The following STK33 variants were observed in gnomAD, a reference collection of about 807,000 sequenced individuals.
STK33 encodes serine/threonine-protein kinase 33.
Under a neutral mutation model 58.0 loss-of-function variants are expected in STK33, and 52 were observed. That is an observed-to-expected ratio of 0.90 (90% CI 0.72 to 1.13). The LOEUF (loss-of-function observed/expected upper bound fraction) is 1.13, where lower values mean the gene tolerates loss of function less well. STK33 is among the 50% of genes most tolerant of loss of function. The pLI is 0.00. For missense variants in STK33, 630 were observed against 604.2 expected (o/e 1.04, Z -0.45); for synonymous variants, 215 against 200.1 (o/e 1.07, Z -0.63).
chr11:8,363,956 C>T, the STK33 span, among the ~76,000 whole-genome samples: 1 of 152,218 alleles, frequency 6.6e-6, no homozygotes, highest in Non-Finnish European at 1.5e-5. Flanking sequence ...ACTTACAATA[C>T]AGGCAAGCAT....
chr11:8,418,680 T>C (rs186774161), intron 14 of STK33, among the ~76,000 whole-genome samples: 7 of 152,306 alleles, frequency 4.6e-5, no homozygotes, highest in South Asian at 2.1e-4. Context: ...CCCACAATGG[T>C]TGAACTATTA....
At chr11:8,388,522 G>C (rs1848575277), downstream of STK33, among the ~76,000 whole-genome samples, 2 of 152,238 alleles carry the variant, frequency 1.3e-5, no homozygotes, top group Admixed American at 1.3e-4. Flanking sequence ...GAGTACAACT[G>C]AACGATGTGA....
the STK33 span, among the ~76,000 whole-genome samples, chr11:8,380,846 A>G: frequency 6.6e-6 from 1 of 152,198 alleles, no homozygotes; most frequent in Admixed American, 6.5e-5. Context: ...AGTGCCCATC[A>G]ACCAATGAGT....
At chr11:8,418,068 T>C (rs1803240350) in intron 14 of STK33, among the ~76,000 whole-genome samples, 1 of 152,046 alleles carries the variant, frequency 6.6e-6, no homozygotes, top group African/African-American at 2.4e-5. Context: ...TAGTTTGGGA[T>C]ATAATGCTGG....
At chr11:8,584,423 G>A (rs991324320) in intron 1 of STK33, among the ~76,000 whole-genome samples, 1 of 152,170 alleles carries the variant, frequency 6.6e-6, no homozygotes, top group South Asian at 2.1e-4. Flanking sequence ...GATACATTAA[G>A]GATGGCTGCT....
downstream of STK33, among the ~76,000 whole-genome samples, chr11:8,388,963 A>C (rs1848581463): frequency 6.6e-6 from 1 of 152,030 alleles, no homozygotes; most frequent in East Asian, 1.9e-4. Flanking sequence ...TTTGCCCTTT[A>C]CTGTACTTTG....
intron 15 of STK33, among the ~76,000 whole-genome samples, chr11:8,407,589 A>G (rs1424469558): frequency 6.6e-6 from 1 of 152,156 alleles, no homozygotes; most frequent in Non-Finnish European, 1.5e-5. Flanking sequence ...TGACCATTTC[A>G]TATAAATTTC....
intron 14 of STK33, among the ~76,000 whole-genome samples, chr11:8,425,913 G>A (rs1030877321): frequency 1.3e-5 from 2 of 152,228 alleles, no homozygotes; most frequent in South Asian, 4.1e-4. Context: ...CACATGTGGG[G>A]TTCCAACACC....
intron 15 of STK33, among the ~76,000 whole-genome samples, chr11:8,393,018 G>A (rs1283978508): frequency 1.3e-5 from 2 of 152,156 alleles, no homozygotes; most frequent in African/African-American, 2.4e-5. Context: ...AGACATAATT[G>A]TACTCACTTC....
the STK33 span, among the ~76,000 whole-genome samples, chr11:8,341,325 G>A: frequency 3.5e-4 from 54 of 152,300 alleles, no homozygotes; most frequent in Admixed American, 2.9e-3. Flanking sequence ...GGCTGCCTCC[G>A]TTGGGTTCTA....
chr11:8,336,916 T>C, the STK33 span, among the ~76,000 whole-genome samples: 1 of 152,210 alleles, frequency 6.6e-6, no homozygotes, highest in Non-Finnish European at 1.5e-5. Flanking sequence ...GTAATGAGGA[T>C]CTCCTGCACC....
intron 2 of STK33, among the ~76,000 whole-genome samples, chr11:8,479,413 C>T (rs956763088): frequency 1.2e-4 from 17 of 145,124 alleles, no homozygotes; most frequent in Non-Finnish European, 7.5e-5. Context: ...AGCCTGGCAA[C>T]AGAGCTAGAC....
intron 6 of STK33, 51 bp from the exon 7 acceptor site, chr11:8,464,873 T>A: frequency 8.1e-7 from 1 of 1,233,074 alleles, no homozygotes; most frequent in Non-Finnish European, 1.2e-6. Flanking sequence ...CATCAGCTAT[T>A]AAAAATGAAC....
intron 14 of STK33, among the ~76,000 whole-genome samples, chr11:8,428,156 A>G (rs951013686): frequency 2.0e-5 from 3 of 152,222 alleles, no homozygotes; most frequent in African/African-American, 7.2e-5. Flanking sequence ...CAAAAGTATC[A>G]GCCAGGAGTC....
At chr11:8,580,181 T>C (rs1291023852) in intron 1 of STK33, among the ~76,000 whole-genome samples, 5 of 152,160 alleles carry the variant, frequency 3.3e-5, no homozygotes, top group African/African-American at 7.2e-5. Context: ...TTTGCTGCAG[T>C]ACTATTCACA....
intron 1 of STK33, among the ~76,000 whole-genome samples, chr11:8,530,937 C>T (rs1245643638): frequency 1.6e-5 from 2 of 127,866 alleles, no homozygotes; most frequent in Non-Finnish European, 3.5e-5. Context: ...ATGATCCGCC[C>T]ACCTCAGTCT....
At position 8,473,294 on chromosome 11, in the gene STK33, ATT is replaced by A; in HGVS notation, c.226-20_226-19del. The A allele has an allele frequency of 2.9e-6, 4 of 1,388,566 alleles. No homozygotes were observed. The highest frequency in any genetic ancestry group is 4.2e-5 in the Admixed American group (2 of 48,112). 86.0% of individuals were successfully genotyped at this position (1,388,566 alleles called of 1,614,324 possible). A position where few individuals can be genotyped will look rare whatever the true frequency, so the allele number is the denominator to read the frequency against. On this transcript the variant is annotated intron_variant, in intron 5 of 15. Coordinates refer to ENST00000687296, the MANE Select transcript of STK33 (RefSeq NM_001352389.2). Reference sequence around the variant, plus strand: ...CTTGAGGGCTGGGACCAAAAAAAAAATTAAAAAAAAAAAACTTTAAGATGTAA... The same window carrying A: ...CTTGAGGGCTGGGACCAAAAAAAAAAAAAAAAAAAAAACTTTAAGATGTAA...
intron 14 of STK33, among the ~76,000 whole-genome samples, chr11:8,422,718 G>T (rs118078745): frequency 6.6e-6 from 1 of 151,942 alleles, no homozygotes; most frequent in Non-Finnish European, 1.5e-5. Context: ...GTTTGCAGAC[G>T]TATTTGCATA....
chr11:8,429,283 C>A (rs910818711), intron 14 of STK33, among the ~76,000 whole-genome samples: 1 of 152,138 alleles, frequency 6.6e-6, no homozygotes, highest in South Asian at 2.1e-4. Flanking sequence ...TAAAGTTCAA[C>A]CTAAAAATAT....
Sources: gnomAD v4.1 joint callset for allele counts (sites outside exome capture counted in the v4.1 genomes callset) on GRCh38, gnomAD v4.1.1 for gene constraint, MANE v1.5 for transcripts, NCBI Gene and HGNC (gene_info 2026-07-23, HGNC 2026-07-21) for gene names.